The following MOXD1 variants were observed in gnomAD, a reference collection of about 807,000 sequenced individuals.
The protein encoded by MOXD1 is DBH-like monooxygenase protein 1.
In MOXD1, 62 loss-of-function variants were observed where a neutral mutation model predicts 66.6. That is an observed-to-expected ratio of 0.93 (90% CI 0.76 to 1.15). MOXD1 has a LOEUF of 1.15. MOXD1 is among the 50% of genes most tolerant of loss of function. MOXD1 has a pLI of 0.00. For missense variants in MOXD1, 847 were observed against 754.6 expected (o/e 1.12, Z -1.44); for synonymous variants, 303 against 281.9 (o/e 1.07, Z -0.75).
intron 1 of MOXD1, among the ~76,000 whole-genome samples, chr6:132,400,090 A>G (rs1014411582): frequency 1.3e-5 from 2 of 152,212 alleles, no homozygotes; most frequent in Non-Finnish European, 2.9e-5. Context: ...TCCAGAGTTA[A>G]CAGCTCAGTG....
intron 4 of MOXD1, among the ~76,000 whole-genome samples, chr6:132,372,173 A>G (rs984894953): frequency 6.6e-6 from 1 of 152,224 alleles, no homozygotes; most frequent in Non-Finnish European, 1.5e-5. Context: ...TCTATTTTCA[A>G]AAAATTATTA....
In MOXD1 at chr6:132,297,890, T is replaced by C. The variant is rs1774446176; in HGVS notation, c.1574A>G (p.Asn525Ser). The C allele has an allele frequency of 1.9e-6, 3 of 1,613,376 alleles. No individual in the cohort carries two copies. Among genetic ancestry groups the C allele is most frequent in the Non-Finnish European group, 2.5e-6 (3 of 1,179,666 alleles). ...TTCCTTTTTAGTCCATTTAAACTTA[T>C]TCATAGCATCCATGAAAGAAAGGTT... is the stretch of plus-strand genomic sequence containing the variant. Reference protein sequence around the residue: ...YKNLSFMDAMNKFKWTKKEGL... With the variant: ...YKNLSFMDAMSKFKWTKKEGL... Residue 525 changes from asparagine (N) to serine (S), a missense_variant, in exon 11 of 12, where the codon AAT becomes AGT. By Grantham distance (46) the Asn-to-Ser change is conservative (BLOSUM62 1). Transcript: ENST00000367963.
In MOXD1 at chr6:132,391,299, A is replaced by G. The variant is rs956285510; in HGVS notation, c.264+9864T>C. 2.6e-5 allele frequency: 4 copies of G among 152,238 alleles called. No homozygotes were observed. The South Asian group carries it at 6.2e-4, about 24-fold the overall frequency. 9.4% of individuals were successfully genotyped at this position (152,238 alleles called of 1,614,324 possible). ...TAGATGAATAAGATAGACCTTCATAATAAATTAAATCTGATCTATACATTA... is the reference window on the plus strand; with the variant it reads ...TAGATGAATAAGATAGACCTTCATAGTAAATTAAATCTGATCTATACATTA... On this transcript the variant is annotated intron_variant, in intron 1 of 11. Transcript: ENST00000367963.
chr6:132,323,970 G>C lies in MOXD1; in HGVS notation c.1074C>G (p.Phe358Leu), dbSNP rs756169782. 3 of 1,613,746 alleles carry C rather than the reference G, an allele frequency of 1.9e-6. No individual in the cohort carries two copies. The highest frequency in any genetic ancestry group is 2.5e-6 in the Non-Finnish European group (3 of 1,179,900). ...FHTIPPGMPE[F>L]QSEGHCTLEC... is the part of the protein sequence containing the mutation. The stretch of plus-strand genomic sequence containing the variant: ...CCAAAGTGCAGTGACCCTCAGACTG[G>C]AACTCAGGCATCCCTGGAGGGATGG... Residue 358 changes from phenylalanine (F) to leucine (L), a missense_variant, in exon 7 of 12, where the codon TTC (phenylalanine) becomes TTG (leucine). Phe to Leu is a conservative substitution (Grantham distance 22, BLOSUM62 0). Coordinates refer to ENST00000367963, the MANE Select transcript of MOXD1 (RefSeq NM_015529.4).
At position 132,320,662 on chromosome 6, in the gene MOXD1, G is replaced by T. The variant is rs1457960229; in HGVS notation, c.1332C>A (p.Arg444=). 1 of 1,610,594 alleles carries T rather than the reference G, an allele frequency of 6.2e-7. No individual in the cohort carries two copies. Residue 444 remains arginine, a synonymous_variant, in exon 9 of 12, where the codon CGC becomes CGA. Transcript: ENST00000367963. ...LPGDNLITEC[R]YNTKDRAEMT... is the part of the protein sequence containing the mutation. ...TCTCAGCTCTATCTTTCGTGTTGTA[G>T]CGACACTCAGTAATTAGGTTATCTC...
intron 1 of MOXD1, among the ~76,000 whole-genome samples, chr6:132,385,336 T>A (rs1163773544): frequency 1.3e-5 from 2 of 152,104 alleles, no homozygotes; most frequent in African/African-American, 4.8e-5. Flanking sequence ...TCAGCTTTGC[T>A]TTTGAAGCCC....
chr6:132,302,238 A>G (rs1171953392), intron 10 of MOXD1, among the ~76,000 whole-genome samples: 1 of 152,192 alleles, frequency 6.6e-6, no homozygotes, highest in Non-Finnish European at 1.5e-5. Context: ...TCTGTTGACT[A>G]CACGGAGTAA....
chr6:132,400,632 G>A (rs1777001270), intron 1 of MOXD1, among the ~76,000 whole-genome samples: 1 of 152,060 alleles, frequency 6.6e-6, no homozygotes, highest in Non-Finnish European at 1.5e-5. Flanking sequence ...GTCCCTAAGC[G>A]ATTCTTAGGG....
At chr6:132,363,050 T>C (rs958632186) in intron 4 of MOXD1, among the ~76,000 whole-genome samples, 1 of 152,178 alleles carries the variant, frequency 6.6e-6, no homozygotes, top group African/African-American at 2.4e-5. Context: ...CCAGGATCTC[T>C]GGACTGATGT....
chr6:132,380,910 C>A, intron 1 of MOXD1, among the ~76,000 whole-genome samples: 1 of 152,036 alleles, frequency 6.6e-6, no homozygotes, highest in East Asian at 1.9e-4. Context: ...CCTTTTAGCC[C>A]CTACACGCAC....
At chr6:132,380,181 C>T (rs775469349) in intron 1 of MOXD1, among the ~76,000 whole-genome samples, 1 of 152,218 alleles carries the variant, frequency 6.6e-6, no homozygotes, top group Non-Finnish European at 1.5e-5. Context: ...ATCTCCCACA[C>T]TCCACGTTTA....
Position 132,376,809 on chromosome 6 carries a change from G to A in MOXD1, c.265-2032C>T, listed in dbSNP as rs527675658. On this transcript the variant is annotated intron_variant, in intron 1 of 11. Transcript: ENST00000367963. Reference sequence around the variant, plus strand: ...ATTACAGGCGTGAGCCACCGCGCCCGGCCAACTACAGCTTCTTATATGCAC... The same window carrying A: ...ATTACAGGCGTGAGCCACCGCGCCCAGCCAACTACAGCTTCTTATATGCAC... 1.6e-4 allele frequency among the ~76,000 whole-genome samples: 10 copies of A among 60,776 alleles called. 2 individuals carry two copies. Among genetic ancestry groups the A allele is most frequent in the Non-Finnish European group, 4.8e-5 (2 of 41,422 alleles). The allele number at this position is 60,776 out of a possible 152,430, so 39.9% of individuals were successfully genotyped here.
chr6:132,314,939 T>C (rs1774908802), intron 10 of MOXD1, among the ~76,000 whole-genome samples: 1 of 152,204 alleles, frequency 6.6e-6, no homozygotes, highest in Non-Finnish European at 1.5e-5. Context: ...AGAGTTAACA[T>C]AATAGGCCCA....
chr6:132,327,802 C>T (rs1328500135), intron 6 of MOXD1, among the ~76,000 whole-genome samples: 3 of 152,050 alleles, frequency 2.0e-5, no homozygotes, highest in Non-Finnish European at 4.4e-5. Context: ...TGCTCATTTA[C>T]CTGGTTTGGT....
chr6:132,308,786 T>G (rs1003985110), intron 10 of MOXD1, among the ~76,000 whole-genome samples: 1 of 152,154 alleles, frequency 6.6e-6, no homozygotes, highest in Non-Finnish European at 1.5e-5. Context: ...ATTATCTCAA[T>G]AGACGCACAA....
In MOXD1 at chr6:132,322,711, G is replaced by A. The variant is rs567984548; in HGVS notation, c.1273C>T (p.Gln425Ter). The change falls in exon 8 of 12, where the codon CAG (glutamine) becomes TAG (stop). Residue 425 changes from glutamine (Q) to a stop codon, truncating the protein, a stop_gained. Transcript: ENST00000367963. LOFTEE classifies it high-confidence loss of function. ...ATTGTTTGTTCTTCCTTTAGATACT[G>A]AAACTCCTGGAAATTGAAGTCAAAA... is the stretch of plus-strand genomic sequence containing the variant. ...DDFDFNFQEFQYLKEEQTILP... is the reference protein window; with the variant it reads ...DDFDFNFQEF 6.2e-7 allele frequency: 1 copy of A among 1,613,836 alleles called. No individual in the cohort carries two copies. The highest frequency in any genetic ancestry group is 1.7e-5 in the Admixed American group (1 of 59,970).
chr6:132,360,184 A>C (rs1203211243), intron 4 of MOXD1, among the ~76,000 whole-genome samples: 2 of 152,208 alleles, frequency 1.3e-5, no homozygotes, highest in Non-Finnish European at 2.9e-5. Flanking sequence ...TAGTCAATGA[A>C]TGCTGTTTTC....
At position 132,328,048 on chromosome 6, in the gene MOXD1, A is replaced by C. The variant is rs370593936; in HGVS notation, c.911T>G (p.Leu304Arg). ...AGTGGGATTATCATAATGGACTTCT[A>C]GGAGCACATAATGCGGATCTAATGG... ...GTPLDPHYVL[L>R]EVHYDNPTYE... Residue 304 changes from leucine (L) to arginine (R), a missense_variant, in exon 6 of 12, where the codon CTA becomes CGA. Physicochemically the swap from Leu to Arg is moderately radical, Grantham distance 102. Transcript: ENST00000367963. 1.4e-5 allele frequency: 22 copies of C among 1,613,660 alleles called. No individual in the cohort carries two copies. The highest frequency in any genetic ancestry group is 1.9e-5 in the Non-Finnish European group (22 of 1,179,720).
At chr6:132,395,142 A>T (rs1474773318) in intron 1 of MOXD1, among the ~76,000 whole-genome samples, 1 of 152,146 alleles carries the variant, frequency 6.6e-6, no homozygotes, top group Non-Finnish European at 1.5e-5. Context: ...GAATGGGCTG[A>T]TATATTCAAG....
Sources: allele counts gnomAD v4.1 joint callset (sites outside exome capture counted in the v4.1 genomes callset), GRCh38; gene constraint gnomAD v4.1.1; transcripts MANE v1.5; gene names NCBI Gene and HGNC (gene_info 2026-07-23, HGNC 2026-07-21).